ABLIM1: variants seen among roughly 807,000 people sequenced by gnomAD.
ABLIM1 encodes the protein actin-binding LIM protein 1.
ABLIM1 carries 40 observed loss-of-function variants against 107.0 expected under a neutral mutation model. The ratio of observed to expected loss-of-function variants is 0.37; its 90% CI spans 0.29 to 0.49. ABLIM1 has a LOEUF of 0.49. Ranked by LOEUF, ABLIM1 falls within the 20% of genes least tolerant of loss-of-function variation. The pLI, the probability that ABLIM1 is intolerant of heterozygous loss-of-function variation, is 0.97. For missense variants in ABLIM1, 857 were observed against 1,008.5 expected (o/e 0.85, Z 2.04); for synonymous variants, 357 against 357.3 (o/e 1.00, Z 0.01).
intron 6 of ABLIM1, among the ~76,000 whole-genome samples, chr10:114,529,063 G>T (rs2136907881): frequency 6.6e-6 from 1 of 152,040 alleles, no homozygotes; most frequent in East Asian, 1.9e-4. Flanking sequence ...CAGGCTTCTA[G>T]TCACATGGCA....
chr10:114,682,224 T>C (rs1375989790), intron 1 of ABLIM1, among the ~76,000 whole-genome samples: 2 of 152,196 alleles, frequency 1.3e-5, no homozygotes, highest in Non-Finnish European at 2.9e-5. Flanking sequence ...ACACTAGCTC[T>C]AAGTATATCC....
intron 2 of ABLIM1, among the ~76,000 whole-genome samples, chr10:114,601,074 A>G (rs920463234): frequency 1.3e-3 from 186 of 143,312 alleles, no homozygotes; most frequent in Non-Finnish European, 1.8e-3. Context: ...ACACACACAC[A>G]CACACACACA....
intron 6 of ABLIM1, among the ~76,000 whole-genome samples, chr10:114,505,511 A>G (rs1352736130): frequency 1.3e-5 from 2 of 152,232 alleles, no homozygotes; most frequent in Admixed American, 6.5e-5. Context: ...CTAGTTGCCA[A>G]ATAGTACAAT....
Position 114,432,387 on chromosome 10 carries a change from G to A in ABLIM1, c.*3873C>T, listed in dbSNP as rs190884948. The stretch of plus-strand genomic sequence containing the variant: ...GAGAGTCAGGAAAAGGGTTCTGTGA[G>A]CACCCAACCTGGAGCGGTCACCTGT... On this transcript the variant is annotated 3_prime_UTR_variant, in exon 23 of 23. Coordinates refer to ENST00000533213, the MANE Select transcript of ABLIM1 (RefSeq NM_002313.7). 1 of 152,264 alleles carries A rather than the reference G, an allele frequency of 6.6e-6. No homozygotes were observed. The highest frequency in any genetic ancestry group is 1.9e-4 in the East Asian group (1 of 5,182). 9.4% of individuals were successfully genotyped at this position (152,264 alleles called of 1,614,324 possible).
chr10:114,638,735 T>G (rs1018495374), intron 1 of ABLIM1, among the ~76,000 whole-genome samples: 1 of 152,106 alleles, frequency 6.6e-6, no homozygotes, highest in Non-Finnish European at 1.5e-5. Context: ...CCTGGCCTGA[T>G]AGCAATGATG....
At chr10:114,569,460 C>G (rs2071323012) in intron 4 of ABLIM1, among the ~76,000 whole-genome samples, 1 of 152,112 alleles carries the variant, frequency 6.6e-6, no homozygotes, top group African/African-American at 2.4e-5. Context: ...GCTGGGATTA[C>G]AGGTACCCGC....
At chr10:114,628,446 C>T (rs1197347375) in intron 1 of ABLIM1, among the ~76,000 whole-genome samples, 1 of 152,170 alleles carries the variant, frequency 6.6e-6, no homozygotes. Flanking sequence ...AAAAACCTTG[C>T]TCTAGAAAAA....
the ABLIM1 span, among the ~76,000 whole-genome samples, chr10:114,798,207 G>T: frequency 1.1e-4 from 16 of 152,212 alleles, no homozygotes; most frequent in East Asian, 3.1e-3. Context: ...GATCACCTGA[G>T]GTCAGGAGTT....
intron 1 of ABLIM1, chr10:114,631,776 C>A (rs1176872325): frequency 1.0e-6 from 1 of 1,003,302 alleles, no homozygotes; most frequent in South Asian, 1.6e-5. Context: ...CTTCACAATA[C>A]GGAGCTTCTC....
At chr10:114,734,569 A>G (rs2082141823) in intron 1 of ABLIM1, among the ~76,000 whole-genome samples, 1 of 152,084 alleles carries the variant, frequency 6.6e-6, no homozygotes, top group African/African-American at 2.4e-5. Context: ...TCTGTTTTCC[A>G]AATCCTTTGC....
At chr10:114,526,144 T>C (rs1200032090) in intron 6 of ABLIM1, among the ~76,000 whole-genome samples, 1 of 152,154 alleles carries the variant, frequency 6.6e-6, no homozygotes, top group Non-Finnish European at 1.5e-5. Flanking sequence ...TTTTCATTTA[T>C]TGGGTATTTC....
At chr10:114,470,421 CAAAAA>C (rs10608392) in intron 10 of ABLIM1, among the ~76,000 whole-genome samples, 59 of 88,872 alleles carry the variant, frequency 6.6e-4, no homozygotes, top group Middle Eastern at 6.8e-3. Context: ...GACTCCACCT[CAAAAA>C]AAAAAAAAAA....
chr10:114,586,492 A>G (rs1307025122), intron 2 of ABLIM1, among the ~76,000 whole-genome samples: 1 of 152,240 alleles, frequency 6.6e-6, no homozygotes, highest in African/African-American at 2.4e-5. Flanking sequence ...AAAAGAAGTC[A>G]GGGTAATGAT....
the ABLIM1 span, among the ~76,000 whole-genome samples, chr10:114,782,037 T>C: frequency 1.3e-5 from 2 of 152,050 alleles, no homozygotes; most frequent in African/African-American, 2.4e-5. Context: ...GCATAAAAAC[T>C]AGGGATGTTC....
chr10:114,583,458 CACACACACACATATATATATAT>C (rs1566009273), intron 2 of ABLIM1, among the ~76,000 whole-genome samples: 66 of 11,534 alleles, frequency 5.7e-3, no homozygotes, highest in African/African-American at 9.9e-3. Flanking sequence ...CACACACACA[CACACACACACATATATATATAT>C]ATATATATAT....
chr10:114,748,162 T>C (rs76787311), intron 1 of ABLIM1, among the ~76,000 whole-genome samples: 8,095 of 152,280 alleles, frequency 0.053, 331 homozygotes, highest in African/African-American at 0.11. Context: ...AATTCTCTTT[T>C]TTTTTTCCTT....
intron 1 of ABLIM1, among the ~76,000 whole-genome samples, chr10:114,611,880 A>T (rs1247171673): frequency 2.0e-5 from 3 of 152,062 alleles, no homozygotes; most frequent in African/African-American, 4.8e-5. Flanking sequence ...GACCTCTCCT[A>T]GCCTTTCTCT....
At chr10:114,616,252 C>T (rs1319361490) in intron 1 of ABLIM1, among the ~76,000 whole-genome samples, 2 of 152,218 alleles carry the variant, frequency 1.3e-5, no homozygotes, top group African/African-American at 4.8e-5. Flanking sequence ...CTCCTCCCAA[C>T]CATACCTATA....
At chr10:114,458,965 A>G (rs1223360126) in intron 12 of ABLIM1, among the ~76,000 whole-genome samples, 1 of 152,266 alleles carries the variant, frequency 6.6e-6, no homozygotes, top group African/African-American at 2.4e-5. Flanking sequence ...CAGAAATAAA[A>G]ATACACCCAA....
Sources: gnomAD v4.1 joint callset for allele counts (sites outside exome capture counted in the v4.1 genomes callset) on GRCh38, gnomAD v4.1.1 for gene constraint, MANE v1.5 for transcripts, NCBI Gene and HGNC (gene_info 2026-07-23, HGNC 2026-07-21) for gene names.